KAZN: variants seen among roughly 807,000 people sequenced by gnomAD.
KAZN encodes kazrin, periplakin interacting protein, also known as kazrin.
KAZN carries 40 observed loss-of-function variants against 87.4 expected under a neutral mutation model. That is an observed-to-expected ratio of 0.46 (90% CI 0.36 to 0.60). The LOEUF (loss-of-function observed/expected upper bound fraction) is 0.60. Ranked by LOEUF, KAZN falls within the 20% of genes least tolerant of loss-of-function variation. The pLI is 0.00. For missense variants in KAZN, 898 were observed against 1,073.9 expected, an observed-to-expected ratio of 0.84 and a Z score of 2.29; for synonymous variants, 466 against 458.3, an observed-to-expected ratio of 1.02 and a Z score of -0.22.
intron 1 of KAZN, among the ~76,000 whole-genome samples, chr1:14,140,068 G>C (rs2101763048): frequency 6.6e-6 from 1 of 152,054 alleles, no homozygotes; most frequent in Middle Eastern, 3.4e-3. Context: ...TCAAAAATGA[G>C]TCTGGCTCTA....
At chr1:13,963,125 T>TA (rs1302917419) in intron 1 of KAZN, among the ~76,000 whole-genome samples, 9 of 152,064 alleles carry the variant, frequency 5.9e-5, no homozygotes, top group Non-Finnish European at 1.2e-4. Context: ...TACCTGTGTT[T>TA]AAAAAATCTC....
chr1:13,986,867 C>T lies in KAZN; in HGVS notation c.91+93111C>T, dbSNP rs112656893. Among the ~76,000 whole-genome samples the T allele has an allele frequency of 9.7e-3, 1,475 of 152,306 alleles. 17 individuals carry two copies. Among genetic ancestry groups the T allele is most frequent in the African/African-American group, 0.032 (1,333 of 41,558 alleles). On this transcript the variant is annotated intron_variant, in intron 1 of 16. Transcript: ENST00000636203. ...CTCATTTAGACTCATGCTGCTCTGTCCTGGACCTGAAGATCTGCTACAGCC... is the reference window on the plus strand; with the variant it reads ...CTCATTTAGACTCATGCTGCTCTGTTCTGGACCTGAAGATCTGCTACAGCC...
chr1:14,972,516 CTT>C (rs35547504), intron 2 of KAZN, among the ~76,000 whole-genome samples: 57 of 140,742 alleles, frequency 4.0e-4, no homozygotes, highest in African/African-American at 4.2e-4. Flanking sequence ...AGACTGGGAA[CTT>C]TTTTTTTTTT....
chr1:14,615,678 T>C (rs796866211), intron 1 of KAZN, among the ~76,000 whole-genome samples: 5 of 150,356 alleles, frequency 3.3e-5, no homozygotes, highest in African/African-American at 1.2e-4. Flanking sequence ...ATGAGGGAAG[T>C]GAGGCTTGTG....
At chr1:15,080,216 G>A (rs1322255957) in intron 8 of KAZN, among the ~76,000 whole-genome samples, 1 of 152,216 alleles carries the variant, frequency 6.6e-6, no homozygotes, top group African/African-American at 2.4e-5. Flanking sequence ...ACCAAAATGA[G>A]GGGGCGCCCA....
intron 1 of KAZN, among the ~76,000 whole-genome samples, chr1:14,781,215 G>A (rs867707114): frequency 6.6e-6 from 1 of 152,178 alleles, no homozygotes; most frequent in Non-Finnish European, 1.5e-5. Context: ...CCAGCTACTC[G>A]GGAGGCTGAG....
chr1:14,993,130 G>A (rs1667514640), intron 2 of KAZN, among the ~76,000 whole-genome samples: 1 of 150,084 alleles, frequency 6.7e-6, no homozygotes, highest in Non-Finnish European at 1.5e-5. Context: ...CCCAGTCTGG[G>A]AGCCTTTGTA....
At chr1:14,548,714 A>G (rs973290764) in intron 2 of KAZN, among the ~76,000 whole-genome samples, 1 of 152,208 alleles carries the variant, frequency 6.6e-6, no homozygotes, top group Non-Finnish European at 1.5e-5. Context: ...TCACTGGATG[A>G]ATACACCAAG....
intron 2 of KAZN, among the ~76,000 whole-genome samples, chr1:14,472,470 G>A (rs1317968647): frequency 6.6e-6 from 1 of 152,156 alleles, no homozygotes; most frequent in Non-Finnish European, 1.5e-5. Flanking sequence ...GGAATTAAGT[G>A]TTTTGCCCAA....
At chr1:14,814,242 T>G (rs1264368636) in intron 1 of KAZN, among the ~76,000 whole-genome samples, 3 of 152,170 alleles carry the variant, frequency 2.0e-5, no homozygotes, top group African/African-American at 7.2e-5. Flanking sequence ...TTATTACTTT[T>G]TTGAGATGGA....
intron 1 of KAZN, among the ~76,000 whole-genome samples, chr1:14,728,721 G>A (rs1054252111): frequency 3.3e-5 from 5 of 152,108 alleles, no homozygotes; most frequent in African/African-American, 7.2e-5. Flanking sequence ...CAGCAGCCTC[G>A]CCTTACACTT....
intron 1 of KAZN, among the ~76,000 whole-genome samples, chr1:13,911,485 A>T (rs1639650128): frequency 6.6e-6 from 1 of 152,196 alleles, no homozygotes; most frequent in African/African-American, 2.4e-5. Context: ...AGCACTGGGG[A>T]ATCACAATTC....
intron 1 of KAZN, among the ~76,000 whole-genome samples, chr1:14,890,580 A>C (rs1654596425): frequency 6.6e-6 from 1 of 152,156 alleles, no homozygotes. Flanking sequence ...GCCATAGATC[A>C]GGATTCTGAA....
intron 1 of KAZN, among the ~76,000 whole-genome samples, chr1:14,018,175 A>G (rs984821584): frequency 6.6e-6 from 1 of 152,180 alleles, no homozygotes; most frequent in Non-Finnish European, 1.5e-5. Flanking sequence ...TCAGAGTAAA[A>G]CAAGACTTTT....
intron 1 of KAZN, among the ~76,000 whole-genome samples, chr1:14,776,058 G>A (rs1394632873): frequency 1.3e-5 from 2 of 152,286 alleles, no homozygotes; most frequent in South Asian, 2.1e-4. Flanking sequence ...CGCCCAGGCT[G>A]GAGTGCAATG....
intron 1 of KAZN, among the ~76,000 whole-genome samples, chr1:14,857,052 A>G (rs1277907423): frequency 1.3e-5 from 2 of 152,172 alleles, no homozygotes; most frequent in Non-Finnish European, 2.9e-5. Context: ...AAGGAAGCCA[A>G]CCACGCGTGA....
intron 2 of KAZN, among the ~76,000 whole-genome samples, chr1:14,307,405 C>T (rs1655004287): frequency 6.6e-6 from 1 of 152,214 alleles, no homozygotes. Flanking sequence ...GATAATCACA[C>T]AGCTATGGTG....
In KAZN at chr1:14,821,609, G is replaced by A. The variant is rs116188148; in HGVS notation, c.227-139075G>A. ...GTGTCCTTGTAAGAGGAGGGGATTC[G>A]GACACAGATACACCCAGAGGGACAA... On this transcript the variant is annotated intron_variant, in intron 1 of 14. Transcript: ENST00000376030. Among the ~76,000 whole-genome samples, 444 of 152,110 alleles carry A rather than the reference G, an allele frequency of 2.9e-3. 2 individuals carry two copies. Among genetic ancestry groups the A allele is most frequent in the African/African-American group, 9.9e-3 (411 of 41,486 alleles).
intron 1 of KAZN, among the ~76,000 whole-genome samples, chr1:14,065,036 C>A (rs1642954659): frequency 6.6e-6 from 1 of 152,142 alleles, no homozygotes; most frequent in Admixed American, 6.5e-5. Context: ...CTGGGTATAT[C>A]TAGATGGTAA....
Sources: allele counts gnomAD v4.1 joint callset (sites outside exome capture counted in the v4.1 genomes callset), GRCh38; gene constraint gnomAD v4.1.1; transcripts MANE v1.5; gene names NCBI Gene and HGNC (gene_info 2026-07-23, HGNC 2026-07-21).